FMN1: variants seen among roughly 807,000 people sequenced by gnomAD.
FMN1 encodes the protein formin-1.
In FMN1, 110 loss-of-function variants were observed where a neutral mutation model predicts 132.4. The ratio of observed to expected loss-of-function variants is 0.83; its 90% confidence interval spans 0.71 to 0.97. FMN1 has a LOEUF of 0.97. Ranked by LOEUF, FMN1 falls within the 50% of genes least tolerant of loss-of-function variation. The pLI is 0.00. For synonymous variants in FMN1, 722 were observed against 651.7 expected, an observed-to-expected ratio of 1.11 and a Z score of -1.64; for missense variants, 1,792 against 1,705.3, an observed-to-expected ratio of 1.05 and a Z score of -0.90.
At chr15:33,149,438 A>C (rs914826844) in intron 4 of FMN1, among the ~76,000 whole-genome samples, 1 of 152,214 alleles carries the variant, frequency 6.6e-6, no homozygotes, top group Non-Finnish European at 1.5e-5. Context: ...ATGAACATTC[A>C]AATTTTTTCT....
At chr15:32,959,995 A>G (rs2030323955) in intron 9 of FMN1, among the ~76,000 whole-genome samples, 1 of 152,200 alleles carries the variant, frequency 6.6e-6, no homozygotes, top group Non-Finnish European at 1.5e-5. Context: ...TGGCTTTGGA[A>G]TATACAGATT....
chr15:32,889,485 CCT>C (rs1437605265), intron 15 of FMN1, among the ~76,000 whole-genome samples: 2 of 152,144 alleles, frequency 1.3e-5, no homozygotes, highest in Non-Finnish European at 2.9e-5. Context: ...TATGATCTGG[CCT>C]CTGTCTACAT....
chr15:32,800,247 A>C (rs2057432606), intron 18 of FMN1, among the ~76,000 whole-genome samples: 1 of 152,182 alleles, frequency 6.6e-6, no homozygotes, highest in Non-Finnish European at 1.5e-5. Flanking sequence ...ATCTGTTTTT[A>C]ATGCAAATTA....
chr15:33,064,854 A>G, intron 6 of FMN1, 103 bp downstream of exon 6: 1 of 763,310 alleles, frequency 1.3e-6, no homozygotes, highest in Non-Finnish European at 2.2e-6. Flanking sequence ...ATTACATTTT[A>G]TAATGAAATA....
At chr15:32,997,832 G>C (rs2033866354) in intron 7 of FMN1, among the ~76,000 whole-genome samples, 1 of 152,070 alleles carries the variant, frequency 6.6e-6, no homozygotes, top group African/African-American at 2.4e-5. Flanking sequence ...TTCAGGAAAG[G>C]ACAGAAGAGA....
chr15:32,931,152 A>G (rs2061105879), intron 9 of FMN1, among the ~76,000 whole-genome samples: 1 of 152,022 alleles, frequency 6.6e-6, no homozygotes, highest in Non-Finnish European at 1.5e-5. Flanking sequence ...GTTCTTTCTC[A>G]TGGTGGTTTT....
chr15:33,021,157 A>G (rs1444944836), intron 6 of FMN1, among the ~76,000 whole-genome samples: 1 of 152,232 alleles, frequency 6.6e-6, no homozygotes, highest in Non-Finnish European at 1.5e-5. Context: ...AGAGAAAGAT[A>G]CATGGTGCAG....
rs182784982 is a variant in FMN1 at position 33,157,763 on chromosome 15, G to A, written c.-131-2718C>T. Reference sequence around the variant, plus strand: ...TCCCAGCACGTTGGGAGGCCAAGGCGGGAGGTTGCTTGAGCTCAGGAATTT... The same window carrying A: ...TCCCAGCACGTTGGGAGGCCAAGGCAGGAGGTTGCTTGAGCTCAGGAATTT... On this transcript the variant is annotated intron_variant, in intron 3 of 20. Coordinates refer to ENST00000616417, the MANE Select transcript of FMN1 (RefSeq NM_001277313.2). Among the ~76,000 whole-genome samples, 18 of 152,204 alleles carry A rather than the reference G, an allele frequency of 1.2e-4. No individual in the cohort carries two copies. The East Asian group carries it at 1.7e-3, about 15-fold the overall frequency.
At chr15:32,785,214 ATATATT>A (rs2056827317) in intron 19 of FMN1, among the ~76,000 whole-genome samples, 1 of 22,142 alleles carries the variant, frequency 4.5e-5, no homozygotes, top group African/African-American at 1.5e-4. Context: ...ATATATATAT[ATATATT>A]TTTTTTTTTT....
At position 32,968,808 on chromosome 15, in the gene FMN1, A is replaced by G. The variant is rs371619346; in HGVS notation, c.2893T>C (p.Ser965Pro). ...PPPGLFFGLGSSSSQCPRKPA... is the reference protein window; with the variant it reads ...PPPGLFFGLGPSSSQCPRKPA... The stretch of plus-strand genomic sequence containing the variant: ...TTTCGAGGACATTGACTGGAAGAAG[A>G]GCCAAGTCCAAAGAAGAGTCCAGGG... The change falls in exon 8 of 21, where the codon TCT becomes CCT. Residue 965 changes from serine (S) to proline (P), a missense_variant. This residue lies in a region of FMN1 where 1,150 missense variants were observed against 1,043.1 expected (regional missense o/e 1.10). Transcript: ENST00000616417. The G allele has an allele frequency of 8.7e-6, 14 of 1,607,464 alleles. No homozygotes were observed. The highest frequency in any genetic ancestry group is 2.3e-5 in the East Asian group (1 of 44,372).
intron 4 of FMN1, among the ~76,000 whole-genome samples, chr15:33,123,122 A>G (rs991158945): frequency 1.6e-4 from 24 of 151,160 alleles, no homozygotes; most frequent in Non-Finnish European, 3.4e-4. Context: ...TTTCAACGTC[A>G]TATCGTCAAG....
chr15:33,110,981 A>T (rs1183753058), intron 4 of FMN1, among the ~76,000 whole-genome samples: 1 of 152,166 alleles, frequency 6.6e-6, no homozygotes, highest in Non-Finnish European at 1.5e-5. Context: ...CGAGTAAATG[A>T]GTTAACACAT....
chr15:32,901,921 C>A lies in FMN1; in HGVS notation c.3497G>T (p.Arg1166Leu). ...SLHRKVEIIT[R>L]ASKDLLHVKS... is the part of the protein sequence containing the mutation. The stretch of plus-strand genomic sequence containing the variant: ...AGACAGTAAACATACCTTAGAAGCT[C>A]GCGTGATGATCTCTACCTTTCTGTG... The change falls in exon 13 of 21, where the codon CGA becomes CTA. Residue 1166 changes from arginine to leucine, a missense_variant. Physicochemically the swap from Arg to Leu is moderately radical, Grantham distance 102. Coordinates refer to ENST00000616417, the MANE Select transcript of FMN1 (RefSeq NM_001277313.2). The A allele has an allele frequency of 6.2e-7, 1 of 1,607,418 alleles. No homozygotes were observed. Among genetic ancestry groups the A allele is most frequent in the Non-Finnish European group, 8.5e-7 (1 of 1,177,768 alleles).
At chr15:32,827,727 C>G (rs1027943632) in intron 17 of FMN1, among the ~76,000 whole-genome samples, 1 of 152,028 alleles carries the variant, frequency 6.6e-6, no homozygotes, top group Non-Finnish European at 1.5e-5. Flanking sequence ...ACCTGTAGTC[C>G]CAGCTACTCG....
chr15:33,116,473 C>T (rs2039930037), intron 4 of FMN1, among the ~76,000 whole-genome samples: 1 of 152,208 alleles, frequency 6.6e-6, no homozygotes, highest in South Asian at 2.1e-4. Context: ...GTTATCCGAC[C>T]ATGCGGCAGC....
chr15:33,125,841 G>A (rs10519794), intron 4 of FMN1, among the ~76,000 whole-genome samples: 4,839 of 152,262 alleles, frequency 0.032, 252 homozygotes, highest in African/African-American at 0.11. Flanking sequence ...TGCTTCATCA[G>A]TAATACTAAA....
chr15:32,978,201 T>A (rs2032367964), intron 7 of FMN1, among the ~76,000 whole-genome samples: 1 of 152,198 alleles, frequency 6.6e-6, no homozygotes, highest in African/African-American at 2.4e-5. Context: ...TTTTAAGGAA[T>A]ACACCTTTAA....
At chr15:32,956,512 G>C (rs2061772483) in intron 9 of FMN1, among the ~76,000 whole-genome samples, 1 of 152,062 alleles carries the variant, frequency 6.6e-6, no homozygotes. Context: ...CCAGTCAGGA[G>C]TCCTTAAACT....
chr15:32,867,695 G>T lies in FMN1; in HGVS notation c.3836-10588C>A, dbSNP rs1021909205. ...TTTAGTAGAGACGGGGTTTCACCAT[G>T]TTAGCCGGGATGGTCTCAATCTCCT... is the stretch of plus-strand genomic sequence containing the variant. On this transcript the variant is annotated intron_variant, in intron 16 of 20. Coordinates refer to ENST00000616417, the MANE Select transcript of FMN1 (RefSeq NM_001277313.2). 8.5e-5 allele frequency among the ~76,000 whole-genome samples: 13 copies of T among 152,154 alleles called. 1 individual carries two copies. In the East Asian group the frequency reaches 2.1e-3, roughly 25 times the overall value.
Sources: gnomAD v4.1 joint callset for allele counts (sites outside exome capture counted in the v4.1 genomes callset) on GRCh38, gnomAD v4.1.1 for gene constraint, gnomAD v4.1.1 regional missense constraint, MANE v1.5 for transcripts, NCBI Gene and HGNC (gene_info 2026-07-23, HGNC 2026-07-21) for gene names.